The following ELAPOR1 variants were observed in gnomAD, a reference collection of about 807,000 sequenced individuals.
ELAPOR1 encodes endosome-lysosome associated apoptosis and autophagy regulator 1.
Under a neutral mutation model 119.7 loss-of-function variants are expected in ELAPOR1, and 77 were observed. The ratio of observed to expected loss-of-function variants is 0.64; its 90% confidence interval spans 0.54 to 0.78. The LOEUF (loss-of-function observed/expected upper bound fraction) is 0.78. Ranked by LOEUF, ELAPOR1 falls within the 30% of genes least tolerant of loss-of-function variation. The probability of loss-of-function intolerance (pLI) is 0.00; values close to 1 mark genes in which losing one functional copy is unlikely to be tolerated. For missense variants in ELAPOR1, 1,115 were observed against 1,270.4 expected (o/e 0.88, Z 1.86); for synonymous variants, 481 against 487.2 (o/e 0.99, Z 0.17).
chr1:109,191,784 A>G lies in ELAPOR1; in HGVS notation c.1604A>G (p.Gln535Arg), dbSNP rs1557697247. The G allele has an allele frequency of 6.2e-7, 1 of 1,614,240 alleles. No individual in the cohort carries two copies. Residue 535 changes from glutamine to arginine, a missense_variant, in exon 13 of 22, where the codon CAG becomes CGG. Coordinates refer to ENST00000369939, the MANE Select transcript of ELAPOR1 (RefSeq NM_020775.5). ...ACGTGGAAAGGTTCCAAAGGCAAAC[A>G]GTCCTATACCTACATCATTGAGGAG... Reference protein sequence around the residue: ...VETWKGSKGKQSYTYIIEENT... With the variant: ...VETWKGSKGKRSYTYIIEENT...
chr1:109,177,492 ATGGGATGGCGGCCGGGAAGAGGCG>A (rs1652414102), intron 7 of ELAPOR1, among the ~76,000 whole-genome samples: 1 of 109,236 alleles, frequency 9.2e-6, no homozygotes, highest in Non-Finnish European at 1.8e-5. Context: ...CACTTCCCAG[ATGGGATGGCGGCCGGGAAGAGGCG>A]CTCCTCACTT....
At chr1:109,124,599 C>T (rs1487306405) in intron 1 of ELAPOR1, among the ~76,000 whole-genome samples, 1 of 152,132 alleles carries the variant, frequency 6.6e-6, no homozygotes, top group Non-Finnish European at 1.5e-5. Flanking sequence ...GATTCTTTGA[C>T]CAAGGGCATA....
At chr1:109,166,378 C>T (rs563045626) in intron 3 of ELAPOR1, among the ~76,000 whole-genome samples, 20 of 152,210 alleles carry the variant, frequency 1.3e-4, no homozygotes, top group Non-Finnish European at 2.9e-4. Flanking sequence ...TCTGCCTAGC[C>T]TTTGCCCAGT....
At chr1:109,131,355 G>A (rs1649138232) in intron 1 of ELAPOR1, among the ~76,000 whole-genome samples, 3 of 152,160 alleles carry the variant, frequency 2.0e-5, no homozygotes, top group African/African-American at 7.2e-5. Context: ...TCAAAAGCAA[G>A]TCACGAAATT....
chr1:109,176,212 C>T lies in ELAPOR1; in HGVS notation c.952+2375C>T, dbSNP rs868011708. On this transcript the variant is annotated intron_variant, in intron 7 of 21. Transcript: ENST00000369939. ...TATTTGAGGGAGTTCCAGGGGGTAT[C>T]GAGGCTCTGATGTGGGATGGGCAGT... Among the ~76,000 whole-genome samples the T allele has an allele frequency of 7.9e-5, 12 of 152,168 alleles. No individual in the cohort carries two copies. In the East Asian group the frequency reaches 9.6e-4, roughly 12 times the overall value.
chr1:109,191,796 A>G lies in ELAPOR1; in HGVS notation c.1616A>G (p.Tyr539Cys). 1 of 1,614,178 alleles carries G rather than the reference A, an allele frequency of 6.2e-7. No homozygotes were observed. ...TCCAAAGGCAAACAGTCCTATACCT[A>G]CATCATTGAGGAGAACACTACCACG... ...KGSKGKQSYT[Y>C]IIEENTTTSF... Residue 539 changes from tyrosine (Y) to cysteine (C), a missense_variant, in exon 13 of 22, where the codon TAC becomes TGC. Tyr to Cys is a radical substitution (Grantham distance 194, BLOSUM62 -2). Coordinates refer to ENST00000369939, the MANE Select transcript of ELAPOR1 (RefSeq NM_020775.5).
chr1:109,114,455 G>C, intron 1 of ELAPOR1, 119 bp downstream of exon 1: 1 of 1,243,838 alleles, frequency 8.0e-7, no homozygotes, highest in Non-Finnish European at 1.1e-6. Context: ...TTTCTTTGGG[G>C]ATGAGGCGTG....
chr1:109,162,010 G>A lies in ELAPOR1; in HGVS notation c.270G>A (p.Glu90=). 1 of 1,611,618 alleles carries A rather than the reference G, an allele frequency of 6.2e-7. No individual in the cohort carries two copies. The change falls in exon 2 of 22, where the codon GAG becomes GAA. Residue 90 remains glutamate, a synonymous_variant. Transcript: ENST00000369939. ...TGCCTGACCCCATCAAGGGCACCGA[G>A]TGCTGTAAGCAGCTATCCTGCTCAG... ...TSLPDPIKGT[E]CSFSCNAGEF...
At chr1:109,151,454 C>A (rs1054613313) in intron 1 of ELAPOR1, among the ~76,000 whole-genome samples, 3 of 152,192 alleles carry the variant, frequency 2.0e-5, no homozygotes, top group South Asian at 2.1e-4. Flanking sequence ...CGCAGTGCCC[C>A]TGAGCCTCAA....
At chr1:109,187,398 C>T in intron 8 of ELAPOR1, 1 of 986,308 alleles carries the variant, frequency 1.0e-6, no homozygotes, top group Non-Finnish European at 1.2e-6. Flanking sequence ...AGTCTGTGTC[C>T]CTCCTTAAGG....
chr1:109,116,618 T>C (rs1648021586), intron 1 of ELAPOR1, among the ~76,000 whole-genome samples: 1 of 152,018 alleles, frequency 6.6e-6, no homozygotes, highest in South Asian at 2.1e-4. Context: ...TCAAACAAGT[T>C]TGGGGGCTTC....
chr1:109,126,878 G>A (rs374480294), intron 1 of ELAPOR1, among the ~76,000 whole-genome samples: 1 of 152,158 alleles, frequency 6.6e-6, no homozygotes, highest in African/African-American at 2.4e-5. Flanking sequence ...ATTTCACCAC[G>A]GAATCACTGA....
chr1:109,159,473 C>T (rs1322970744), intron 1 of ELAPOR1, among the ~76,000 whole-genome samples: 4 of 152,122 alleles, frequency 2.6e-5, no homozygotes, highest in Non-Finnish European at 4.4e-5. Context: ...AGATGATCTT[C>T]GAACAGATTA....
chr1:109,193,977 ACAGGAAG>A (rs1653615016), intron 14 of ELAPOR1, among the ~76,000 whole-genome samples: 2 of 152,204 alleles, frequency 1.3e-5, no homozygotes. Flanking sequence ...AACCTGAGAA[ACAGGAAG>A]CAGAGTTCAG....
intron 1 of ELAPOR1, among the ~76,000 whole-genome samples, chr1:109,122,378 G>T (rs4364908): frequency 1.4e-5 from 2 of 145,404 alleles, no homozygotes; most frequent in East Asian, 2.0e-4. Flanking sequence ...AAAAAAAAAG[G>T]CAGGATGTAG....
chr1:109,188,264 A>C lies in ELAPOR1; in HGVS notation c.1129A>C (p.Thr377Pro). Residue 377 changes from threonine to proline, a missense_variant, in exon 9 of 22, where the codon ACC becomes CCC. Coordinates refer to ENST00000369939, the MANE Select transcript of ELAPOR1 (RefSeq NM_020775.5). The part of the protein sequence containing the change: ...AVKLPASGVK[T>P]HCPPCNPGFF... Reference sequence around the variant, plus strand: ...GAAGCTGCCTGCCTCTGGTGTGAAGACCCACTGCCCACCCTGCAACCCAGG... The same window carrying C: ...GAAGCTGCCTGCCTCTGGTGTGAAGCCCCACTGCCCACCCTGCAACCCAGG... 6.2e-7 allele frequency: 1 copy of C among 1,614,132 alleles called. No individual in the cohort carries two copies. Among genetic ancestry groups the C allele is most frequent in the Non-Finnish European group, 8.5e-7 (1 of 1,180,002 alleles).
At position 109,204,526 on chromosome 1, in the gene ELAPOR1, T is replaced by A. The variant is rs558139417; in HGVS notation, c.*1514T>A. The A allele has an allele frequency of 4.6e-5, 7 of 152,356 alleles. No homozygotes were observed. Among genetic ancestry groups the A allele is most frequent in the African/African-American group, 1.7e-4 (7 of 41,576 alleles). The allele number at this position is 152,356 out of a possible 1,614,324, so 9.4% of individuals were successfully genotyped here. ...CCCCGTCCTAGAAGTTTGGGCCATA[T>A]TATGGAACAGGGGTCTCTTATTTGA... On this transcript the variant is annotated 3_prime_UTR_variant, in exon 22 of 22. Coordinates refer to ENST00000369939, the MANE Select transcript of ELAPOR1 (RefSeq NM_020775.5).
chr1:109,152,952 C>CAA (rs11392572), intron 1 of ELAPOR1, among the ~76,000 whole-genome samples: 11,413 of 102,092 alleles, frequency 0.11, 888 homozygotes, highest in Non-Finnish European at 0.16. Flanking sequence ...ACCCTGTCTC[C>CAA]AAAAAAAAAA....
chr1:109,178,208 A>G (rs1652471777), intron 7 of ELAPOR1, among the ~76,000 whole-genome samples: 1 of 151,806 alleles, frequency 6.6e-6, no homozygotes, highest in Non-Finnish European at 1.5e-5. Context: ...ACGGGGTTTC[A>G]CCATCTCGGC....
Sources: allele counts gnomAD v4.1 joint callset (sites outside exome capture counted in the v4.1 genomes callset), GRCh38; gene constraint gnomAD v4.1.1; transcripts MANE v1.5; gene names NCBI Gene and HGNC (gene_info 2026-07-23, HGNC 2026-07-21).